UNC5D: variants seen among roughly 807,000 people sequenced by gnomAD.
UNC5D encodes the protein netrin receptor UNC5D.
In UNC5D, 39 loss-of-function variants were observed where a neutral mutation model predicts 105.4. The ratio of observed to expected loss-of-function variants is 0.37; its 90% CI spans 0.29 to 0.48. The LOEUF (loss-of-function observed/expected upper bound fraction) is 0.48, where lower values mean the gene tolerates loss of function less well. Ranked by LOEUF, UNC5D falls within the 20% of genes least tolerant of loss-of-function variation. The pLI is 0.98. For missense variants in UNC5D, 991 were observed against 1,202.4 expected (o/e 0.82, Z 2.60); for synonymous variants, 452 against 450.4 (o/e 1.00, Z -0.04).
chr8:35,564,061 TTTG>T (rs1442009350), intron 2 of UNC5D, among the ~76,000 whole-genome samples: 2 of 152,136 alleles, frequency 1.3e-5, no homozygotes, highest in Non-Finnish European at 2.9e-5. Flanking sequence ...GACATGTAGT[TTTG>T]TTGTTATTAT....
At chr8:35,301,003 G>C (rs1325057748) in intron 1 of UNC5D, among the ~76,000 whole-genome samples, 3 of 152,160 alleles carry the variant, frequency 2.0e-5, no homozygotes, top group African/African-American at 7.2e-5. Flanking sequence ...GTATTTCCTA[G>C]CTCTGCCTAT....
chr8:35,579,655 G>A (rs1200439010), intron 3 of UNC5D, among the ~76,000 whole-genome samples: 2 of 152,198 alleles, frequency 1.3e-5, no homozygotes, highest in Non-Finnish European at 2.9e-5. Context: ...GGGAAAGCAA[G>A]CAACACAGTA....
At chr8:35,610,661 T>A (rs1189615668) in intron 4 of UNC5D, among the ~76,000 whole-genome samples, 1 of 151,984 alleles carries the variant, frequency 6.6e-6, no homozygotes, top group Non-Finnish European at 1.5e-5. Flanking sequence ...AAAAGAGAAG[T>A]GAGAGAACCG....
At chr8:35,367,330 C>A (rs1802174445) in intron 1 of UNC5D, among the ~76,000 whole-genome samples, 2 of 152,152 alleles carry the variant, frequency 1.3e-5, no homozygotes, top group East Asian at 3.9e-4. Flanking sequence ...TTCCTGTCTG[C>A]CATTAAACTT....
At chr8:35,461,087 G>T (rs1310771867) in intron 1 of UNC5D, among the ~76,000 whole-genome samples, 1 of 152,154 alleles carries the variant, frequency 6.6e-6, no homozygotes, top group Non-Finnish European at 1.5e-5. Context: ...AAATCTGGTG[G>T]CTCTGTGGAC....
At chr8:35,252,843 G>C (rs1371283759) in intron 1 of UNC5D, among the ~76,000 whole-genome samples, 1 of 152,124 alleles carries the variant, frequency 6.6e-6, no homozygotes, top group Non-Finnish European at 1.5e-5. Context: ...ATTTCAGCAA[G>C]ATATGAGTTC....
At chr8:35,642,820 A>G (rs1184507582) in intron 4 of UNC5D, among the ~76,000 whole-genome samples, 1 of 152,194 alleles carries the variant, frequency 6.6e-6, no homozygotes, top group African/African-American at 2.4e-5. Flanking sequence ...TGATGTCCTA[A>G]GCACACAGTA....
chr8:35,584,141 C>A (rs755239982), intron 3 of UNC5D, among the ~76,000 whole-genome samples: 7 of 152,002 alleles, frequency 4.6e-5, no homozygotes, highest in Non-Finnish European at 7.4e-5. Flanking sequence ...TGAGTATAAC[C>A]TCATCCTGAA....
At chr8:35,526,133 G>T (rs1450320729) in intron 1 of UNC5D, among the ~76,000 whole-genome samples, 1 of 152,188 alleles carries the variant, frequency 6.6e-6, no homozygotes, top group Non-Finnish European at 1.5e-5. Context: ...TACCAATTGA[G>T]AACATTGCTT....
At chr8:35,747,439 T>G (rs1189238601) in intron 11 of UNC5D, among the ~76,000 whole-genome samples, 2 of 152,164 alleles carry the variant, frequency 1.3e-5, no homozygotes, top group East Asian at 3.9e-4. Context: ...AACGGGTTGC[T>G]TTTTTGGTCA....
intron 11 of UNC5D, among the ~76,000 whole-genome samples, chr8:35,742,915 C>G (rs905073246): frequency 6.6e-6 from 1 of 152,158 alleles, no homozygotes; most frequent in Non-Finnish European, 1.5e-5. Flanking sequence ...TCATCATCCT[C>G]CACTGTGTGT....
At chr8:35,720,813 G>T (rs1477575766) in intron 8 of UNC5D, among the ~76,000 whole-genome samples, 1 of 151,136 alleles carries the variant, frequency 6.6e-6, no homozygotes, top group African/African-American at 2.4e-5. Context: ...AAATGTATTT[G>T]ATAAACCTCT....
intron 10 of UNC5D, among the ~76,000 whole-genome samples, chr8:35,728,927 TC>T (rs1829042593): frequency 1.3e-5 from 2 of 152,192 alleles, no homozygotes; most frequent in South Asian, 4.1e-4. Context: ...CTTTAGAGGA[TC>T]ACAGGCATAA....
intron 1 of UNC5D, among the ~76,000 whole-genome samples, chr8:35,293,981 A>G (rs899435192): frequency 1.3e-5 from 2 of 152,230 alleles, no homozygotes; most frequent in Non-Finnish European, 2.9e-5. Flanking sequence ...AGCATTGTCC[A>G]GTATTAAAAG....
intron 1 of UNC5D, among the ~76,000 whole-genome samples, chr8:35,476,474 G>C (rs889468062): frequency 6.6e-6 from 1 of 152,162 alleles, no homozygotes; most frequent in Non-Finnish European, 1.5e-5. Flanking sequence ...TTATGGTATT[G>C]TATATGATAC....
chr8:35,783,148 A>T (rs1802582330), intron 16 of UNC5D, among the ~76,000 whole-genome samples: 1 of 148,210 alleles, frequency 6.7e-6, no homozygotes, highest in Non-Finnish European at 1.5e-5. Flanking sequence ...ATCTTGGAGA[A>T]AGAAAAAAAA....
At chr8:35,551,447 G>A (rs141744010) in intron 2 of UNC5D, among the ~76,000 whole-genome samples, 1 of 152,244 alleles carries the variant, frequency 6.6e-6, no homozygotes, top group Non-Finnish European at 1.5e-5. Context: ...GGGTCAACTA[G>A]GTCTACTTGA....
At position 35,683,723 on chromosome 8, in the gene UNC5D, C is replaced by G; in HGVS notation, c.747C>G (p.Val249=). 6.5e-7 allele frequency: 1 copy of G among 1,533,812 alleles called. No individual in the cohort carries two copies. The highest frequency in any genetic ancestry group is 2.4e-5 in the East Asian group (1 of 41,686). ...GAAGCCTGTCGGCCACTGTTGTGGT[C>G]TACGGTAAGACCATTCCAAAGGCCA... ...KRRSLSATVV[V]YVNGGWSSWT... is the part of the protein sequence containing the mutation. Residue 249 remains valine, a synonymous_variant, in exon 5 of 17, where the codon GTC becomes GTG. Transcript: ENST00000404895.
chr8:35,601,799 C>G (rs1563577975), intron 4 of UNC5D, among the ~76,000 whole-genome samples: 2 of 152,146 alleles, frequency 1.3e-5, no homozygotes, highest in Non-Finnish European at 2.9e-5. Context: ...ATTTCCTTCT[C>G]CTGCCTGATT....
Sources: allele counts gnomAD v4.1 joint callset (sites outside exome capture counted in the v4.1 genomes callset), GRCh38; gene constraint gnomAD v4.1.1; transcripts MANE v1.5; gene names NCBI Gene and HGNC (gene_info 2026-07-23, HGNC 2026-07-21).